Variants in ADGRE2 observed in about 807,000 individuals in gnomAD.
The protein encoded by ADGRE2 is adhesion G protein-coupled receptor E2.
A neutral mutation model predicts 100.8 loss-of-function variants in ADGRE2; 83 were observed. The ratio of observed to expected loss-of-function variants is 0.82; its 90% CI spans 0.69 to 0.99. The LOEUF is 0.99. Among genes scored for constraint, ADGRE2 ranks in the 50% least tolerant of loss-of-function variants. The probability of loss-of-function intolerance (pLI) is 0.00; values close to 1 mark genes in which losing one functional copy is unlikely to be tolerated. For synonymous variants in ADGRE2, 355 were observed against 413.0 expected, an observed-to-expected ratio of 0.86 and a Z score of 1.70; for missense variants, 814 against 1,035.7, an observed-to-expected ratio of 0.79 and a Z score of 2.94.
At chr19:14,773,405 G>GTTTT (rs2044296915) in intron 4 of ADGRE2, among the ~76,000 whole-genome samples, 1 of 90,522 alleles carries the variant, frequency 1.1e-5, no homozygotes. Flanking sequence ...CTCTCTTTCT[G>GTTTT]TCTTTTTTTT....
chr19:14,728,162 G>A (rs191696299), downstream of ADGRE2, among the ~76,000 whole-genome samples: 4 of 152,306 alleles, frequency 2.6e-5, no homozygotes, highest in East Asian at 1.9e-4. Context: ...GCAGTGAGCC[G>A]AGATTGTGCC....
intron 5 of ADGRE2, among the ~76,000 whole-genome samples, chr19:14,769,216 A>C (rs1024079298): frequency 6.0e-5 from 9 of 149,700 alleles, no homozygotes; most frequent in Non-Finnish European, 1.0e-4. Flanking sequence ...ATGGTGAGAC[A>C]CCCCCCCCCC....
chr19:14,772,491 T>C lies in ADGRE2; in HGVS notation c.206A>G (p.Asn69Ser). 6.2e-7 allele frequency: 1 copy of C among 1,613,724 alleles called. No individual in the cohort carries two copies. Among genetic ancestry groups the C allele is most frequent in the Non-Finnish European group, 8.5e-7 (1 of 1,179,970 alleles). The change falls in exon 5 of 21, where the codon AAC (asparagine) becomes AGC (serine). Residue 69 changes from asparagine (N) to serine (S), a missense_variant. Physicochemically the swap from Asn to Ser is conservative, Grantham distance 46. Transcript: ENST00000315576. Reference sequence around the variant, plus strand: ...CACTTTCGACAGTGTTGCACACTCGTTGATGTCTGGAACACAACAGGACAG... The same window carrying C: ...CACTTTCGACAGTGTTGCACACTCGCTGATGTCTGGAACACAACAGGACAG... ...TTPMETCDDI[N>S]ECATLSKVSC... is the part of the protein sequence containing the mutation.
chr19:14,753,416 T>C (rs2335213), intron 14 of ADGRE2, among the ~76,000 whole-genome samples: 58,198 of 151,784 alleles, frequency 0.38, 12,751 homozygotes, highest in African/African-American at 0.59. Context: ...GTTCCTGTCA[T>C]GGAAAACAAA....
At chr19:14,753,591 C>T (rs552937610) in intron 14 of ADGRE2, among the ~76,000 whole-genome samples, 2 of 151,980 alleles carry the variant, frequency 1.3e-5, no homozygotes, top group East Asian at 1.9e-4. Flanking sequence ...GTAAGGAGTT[C>T]GAGACCAGCC....
intron 5 of ADGRE2, among the ~76,000 whole-genome samples, chr19:14,771,534 C>T (rs11878443): frequency 0.033 from 5,024 of 152,198 alleles, 114 homozygotes; most frequent in African/African-American, 0.053. Context: ...CAGGCTGTGT[C>T]GAAATAGATT....
Position 14,755,848 on chromosome 19 carries a change from G to A in ADGRE2, c.1222C>T (p.Pro408Ser). Residue 408 changes from proline to serine, a missense_variant, in exon 13 of 21, where the codon CCA becomes TCA. Physicochemically the swap from Pro to Ser is moderately conservative, Grantham distance 74. Around this residue, in one of 5 missense-constraint regions of ADGRE2, gnomAD observed 569 missense variants for 692.7 expected, o/e 0.82. Transcript: ENST00000315576. ...TCAGCCAGCAACTTGCCCATCCCTG[G>A]AATGGAGACAAGGCCCACCACAGAA... ...GPSVVGLVSI[P>S]GMGKLLAEAP... 1 of 1,614,124 alleles carries A rather than the reference G, an allele frequency of 6.2e-7. No individual in the cohort carries two copies. The highest frequency in any genetic ancestry group is 8.5e-7 in the Non-Finnish European group (1 of 1,180,036).
chr19:14,727,317 CAA>C, the ADGRE2 span, among the ~76,000 whole-genome samples: 12 of 152,114 alleles, frequency 7.9e-5, no homozygotes, highest in South Asian at 2.1e-4. Context: ...TGTGAGCCAC[CAA>C]GCCCGGCCCA....
At chr19:14,754,283 ATATCTATATC>A (rs61464455) in intron 14 of ADGRE2, among the ~76,000 whole-genome samples, 110,440 of 149,864 alleles carry the variant, frequency 0.74, 41,111 homozygotes, top group South Asian at 0.83. Flanking sequence ...CCCTTTATAT[ATATCTATATC>A]TATCTATATA....
chr19:14,735,880 C>T lies in ADGRE2; in HGVS notation c.*356G>A, dbSNP rs2732793. On this transcript the variant is annotated 3_prime_UTR_variant, in exon 21 of 21. Transcript: ENST00000315576. ...GTCGGTATGAAAGTCCTCTTAGGCT[C>T]GTTTTCCTGCTTCATTTTAAGATTT... 0.21 allele frequency: 38,457 copies of T among 181,314 alleles called. 4,407 individuals carry two copies. Among genetic ancestry groups the T allele is most frequent in the Non-Finnish European group, 0.24 (20,708 of 87,068 alleles). 11.2% of individuals were successfully genotyped at this position (181,314 alleles called of 1,614,324 possible).
At chr19:14,763,591 C>T (rs1003087483) in intron 11 of ADGRE2, among the ~76,000 whole-genome samples, 1 of 150,166 alleles carries the variant, frequency 6.7e-6, no homozygotes, top group Non-Finnish European at 1.5e-5. Flanking sequence ...ATTCTTCCTT[C>T]TTCCTCTACT....
chr19:14,776,627 CCA>C (rs2044450529), intron 2 of ADGRE2, 97 bp downstream of exon 2: 2 of 1,379,640 alleles, frequency 1.4e-6, no homozygotes, highest in African/African-American at 2.9e-5. Context: ...ATCGCCGGCC[CCA>C]CAGACACCAG....
rs537861605 is a variant in ADGRE2 at position 14,755,905 on chromosome 19, T to C, written c.1193-28A>G. ...GCAGGGCGAGGCCAAGGTTGAATCT[T>C]GGAGTAGGTTGAATCTCTGGGTCCA... On this transcript the variant is annotated intron_variant, in intron 12 of 20. Transcript: ENST00000315576. The C allele has an allele frequency of 3.8e-5, 61 of 1,591,106 alleles. 1 individual carries two copies. In the East Asian group the frequency reaches 1.1e-3, roughly 30 times the overall value.
Position 14,764,592 on chromosome 19 carries a change from C to T in ADGRE2, c.925G>A (p.Asp309Asn). The T allele has an allele frequency of 6.2e-7, 1 of 1,612,264 alleles. No homozygotes were observed. The highest frequency in any genetic ancestry group is 8.5e-7 in the Non-Finnish European group (1 of 1,179,750). Residue 309 changes from aspartate (D) to asparagine (N), a missense_variant, in exon 11 of 21, where the codon GAT (aspartate) becomes AAT (asparagine). By Grantham distance (23) the Asp-to-Asn change is conservative. Coordinates refer to ENST00000315576, the MANE Select transcript of ADGRE2 (RefSeq NM_013447.4). ...NTIQSILQAL[D>N]ELLEAPGDLE... ...TCCCCAGGGGCCTCCAGCAGCTCAT[C>T]CAGCGCCTGTAAGATGCTCTGGAGG...
intron 14 of ADGRE2, 101 bp downstream of exon 14, chr19:14,754,853 G>A (rs528090508): frequency 2.0e-5 from 27 of 1,325,038 alleles, no homozygotes; most frequent in Non-Finnish European, 2.7e-5. Flanking sequence ...CTGACCCAGA[G>A]CTGTGAGATA....
Position 14,776,791 on chromosome 19 carries a change from G to A in ADGRE2, c.-35C>T, listed in dbSNP as rs769112780. 2.6e-5 allele frequency: 42 copies of A among 1,612,238 alleles called. No individual in the cohort carries two copies. Among genetic ancestry groups the A allele is most frequent in the Non-Finnish European group, 3.6e-5 (42 of 1,179,234 alleles). Reference sequence around the variant, plus strand: ...TGAGCTGCCGGCAGGAGCAGCAGGGGAAAGAGTGAGTGGGACAGGGCTGTC... The same window carrying A: ...TGAGCTGCCGGCAGGAGCAGCAGGGAAAAGAGTGAGTGGGACAGGGCTGTC... On this transcript the variant is annotated 5_prime_UTR_variant, in exon 2 of 21. Coordinates refer to ENST00000315576, the MANE Select transcript of ADGRE2 (RefSeq NM_013447.4).
chr19:14,747,026 C>G (rs970505824), intron 16 of ADGRE2, 64 bp from the exon 17 acceptor site: 1 of 1,359,314 alleles, frequency 7.4e-7, no homozygotes, highest in Non-Finnish European at 1.0e-6. Flanking sequence ...TTATGTAAAT[C>G]TATTCCATCC....
At chr19:14,729,647 C>T (rs190732599), downstream of ADGRE2, among the ~76,000 whole-genome samples, 120 of 152,098 alleles carry the variant, frequency 7.9e-4, 1 homozygote, top group Middle Eastern at 3.4e-3. Flanking sequence ...CCACTGCGCC[C>T]GGTGGGATAC....
the ADGRE2 span, among the ~76,000 whole-genome samples, chr19:14,727,242 A>C: frequency 6.6e-6 from 1 of 151,998 alleles, no homozygotes; most frequent in Non-Finnish European, 1.5e-5. Context: ...GCTAGCCAGG[A>C]TGGTCTCGAT....
Sources: allele counts gnomAD v4.1 joint callset (sites outside exome capture counted in the v4.1 genomes callset), GRCh38; gene constraint gnomAD v4.1.1; regional missense constraint gnomAD v4.1.1; transcripts MANE v1.5; gene names NCBI Gene and HGNC (gene_info 2026-07-23, HGNC 2026-07-21).